Variants in RPS6KC1 observed in about 807,000 individuals in gnomAD.
RPS6KC1 encodes the protein inactive ribosomal protein S6 kinase delta-1.
Under a neutral mutation model 103.8 loss-of-function variants are expected in RPS6KC1, and 54 were observed. The ratio of observed to expected loss-of-function variants is 0.52; its 90% CI spans 0.42 to 0.65. The LOEUF (loss-of-function observed/expected upper bound fraction) is 0.65, where lower values mean the gene tolerates loss of function less well. RPS6KC1 is among the 30% of genes least tolerant of loss of function. The pLI is 0.00. For synonymous variants in RPS6KC1, 439 were observed against 438.7 expected (o/e 1.00, Z -0.01); for missense variants, 1,151 against 1,253.8 (o/e 0.92, Z 1.24).
At chr1:213,340,977 TG>T in the RPS6KC1 span, among the ~76,000 whole-genome samples, 1 of 152,244 alleles carries the variant, frequency 6.6e-6, no homozygotes, top group Non-Finnish European at 1.5e-5. Flanking sequence ...ATCAGGTAGT[TG>T]AACCACCAAA....
At chr1:213,097,542 G>T (rs1027137445) in intron 3 of RPS6KC1, among the ~76,000 whole-genome samples, 1 of 152,090 alleles carries the variant, frequency 6.6e-6, no homozygotes, top group African/African-American at 2.4e-5. Flanking sequence ...AGTAAGCATT[G>T]GCTTCAACTT....
At chr1:213,593,783 T>C in the RPS6KC1 span, among the ~76,000 whole-genome samples, 273 of 152,272 alleles carry the variant, frequency 1.8e-3, 1 homozygote, top group African/African-American at 6.2e-3. Context: ...AGCTGAGACC[T>C]GCATGCCCCG....
At chr1:213,459,348 TC>T in the RPS6KC1 span, among the ~76,000 whole-genome samples, 1 of 152,080 alleles carries the variant, frequency 6.6e-6, no homozygotes, top group African/African-American at 2.4e-5. Context: ...GATGTATGTG[TC>T]CAGGAATTTC....
chr1:213,317,465 G>A, the RPS6KC1 span, among the ~76,000 whole-genome samples: 88 of 152,138 alleles, frequency 5.8e-4, no homozygotes, highest in Non-Finnish European at 6.2e-4. Context: ...GCTCTTTCAC[G>A]TCTCAAGGAC....
chr1:213,162,940 C>T (rs1408970334), intron 6 of RPS6KC1, among the ~76,000 whole-genome samples: 1 of 152,086 alleles, frequency 6.6e-6, no homozygotes, highest in Non-Finnish European at 1.5e-5. Context: ...AATCAGATTC[C>T]CTGACTGGTT....
chr1:213,804,709 C>T, the RPS6KC1 span, among the ~76,000 whole-genome samples: 2 of 152,188 alleles, frequency 1.3e-5, no homozygotes, highest in Non-Finnish European at 1.5e-5. Context: ...GATCTTACTC[C>T]GTTTTATTTG....
chr1:213,576,334 G>A, the RPS6KC1 span, among the ~76,000 whole-genome samples: 1 of 149,900 alleles, frequency 6.7e-6, no homozygotes, highest in Non-Finnish European at 1.5e-5. Context: ...TAAAATGCAG[G>A]TATACCTTGC....
intron 8 of RPS6KC1, among the ~76,000 whole-genome samples, chr1:213,179,359 G>A (rs187123366): frequency 1.5e-3 from 234 of 151,442 alleles, no homozygotes; most frequent in African/African-American, 5.1e-3. Context: ...AGGTTGCAGC[G>A]AGCCAAGATT....
At chr1:213,327,236 A>AAAGAAAGAAAGAAAG in the RPS6KC1 span, among the ~76,000 whole-genome samples, 2 of 144,586 alleles carry the variant, frequency 1.4e-5, no homozygotes, top group African/African-American at 2.6e-5. Context: ...GAAAGAAAAG[A>AAAGAAAGAAAGAAAG]AAAGAAAGAA....
intron 1 of RPS6KC1, among the ~76,000 whole-genome samples, chr1:213,051,832 G>T (rs909020798): frequency 3.4e-4 from 52 of 152,312 alleles, no homozygotes; most frequent in African/African-American, 1.2e-3. Context: ...TGCAGAAGTG[G>T]TTTTGCTTGC....
At chr1:213,078,424 T>A (rs1047372499) in intron 3 of RPS6KC1, among the ~76,000 whole-genome samples, 12 of 152,120 alleles carry the variant, frequency 7.9e-5, no homozygotes, top group African/African-American at 2.9e-4. Flanking sequence ...TTTTTTGAAA[T>A]GGAGTCTCAT....
the RPS6KC1 span, among the ~76,000 whole-genome samples, chr1:213,408,007 A>G: frequency 6.6e-6 from 1 of 152,236 alleles, no homozygotes; most frequent in South Asian, 2.1e-4. Flanking sequence ...ACAGATATGG[A>G]AGCTCCATCA....
chr1:213,444,584 CCT>C, the RPS6KC1 span, among the ~76,000 whole-genome samples: 1 of 151,686 alleles, frequency 6.6e-6, no homozygotes, highest in East Asian at 1.9e-4. Context: ...AGGCTGGTAC[CCT>C]GTCTCTACTA....
the RPS6KC1 span, among the ~76,000 whole-genome samples, chr1:213,432,828 C>A: frequency 1.3e-5 from 2 of 150,688 alleles, no homozygotes; most frequent in Admixed American, 6.6e-5. Flanking sequence ...TATTTCATTT[C>A]TTTTATTGTT....
At chr1:213,426,498 A>G in the RPS6KC1 span, among the ~76,000 whole-genome samples, 2 of 152,136 alleles carry the variant, frequency 1.3e-5, no homozygotes, top group East Asian at 3.8e-4. Context: ...CATTATTTGT[A>G]TATCCTTCTA....
the RPS6KC1 span, among the ~76,000 whole-genome samples, chr1:213,493,306 C>T: frequency 1.6e-4 from 25 of 152,268 alleles, no homozygotes; most frequent in East Asian, 4.1e-3. Flanking sequence ...GATCCCTGAG[C>T]TTTCTATATT....
At chr1:213,346,330 C>G in the RPS6KC1 span, among the ~76,000 whole-genome samples, 3 of 151,932 alleles carry the variant, frequency 2.0e-5, no homozygotes, top group South Asian at 6.2e-4. Context: ...ATTGGACATT[C>G]AACATTCTAA....
chr1:213,350,582 T>C, the RPS6KC1 span, among the ~76,000 whole-genome samples: 1 of 152,120 alleles, frequency 6.6e-6, no homozygotes. Context: ...AAGGATGACA[T>C]AATAGAGCTG....
At chr1:213,862,464 T>C in the RPS6KC1 span, among the ~76,000 whole-genome samples, 1 of 152,148 alleles carries the variant, frequency 6.6e-6, no homozygotes, top group African/African-American at 2.4e-5. Context: ...GCACGTGATT[T>C]ATTTCTGGTC....
Sources: allele counts gnomAD v4.1 joint callset (sites outside exome capture counted in the v4.1 genomes callset), GRCh38; gene constraint gnomAD v4.1.1; transcripts MANE v1.5; gene names NCBI Gene and HGNC (gene_info 2026-07-23, HGNC 2026-07-21).